Variants in FARS2 observed in about 807,000 individuals in gnomAD.
The protein encoded by FARS2 is phenylalanyl-tRNA synthetase 2, mitochondrial.
Under a neutral mutation model 46.4 loss-of-function variants are expected in FARS2, and 40 were observed. That is an observed-to-expected ratio of 0.86 (90% confidence interval 0.67 to 1.12). The LOEUF is 1.12. Among genes scored for constraint, FARS2 ranks in the 50% most tolerant of loss-of-function variants. The pLI is 0.00. For synonymous variants in FARS2, 234 were observed against 214.9 expected, an observed-to-expected ratio of 1.09 and a Z score of -0.78; for missense variants, 513 against 567.9, an observed-to-expected ratio of 0.90 and a Z score of 0.98.
At chr6:5,357,543 G>A (rs1758010118) in intron 1 of FARS2, among the ~76,000 whole-genome samples, 2 of 152,218 alleles carry the variant, frequency 1.3e-5, no homozygotes, top group Admixed American at 1.3e-4. Context: ...TCTCCCCGAG[G>A]AGAGCATATA....
chr6:5,725,622 C>T (rs985226069), intron 6 of FARS2, among the ~76,000 whole-genome samples: 4 of 152,144 alleles, frequency 2.6e-5, no homozygotes, highest in African/African-American at 9.7e-5. Flanking sequence ...CTTTGCCTAG[C>T]TGTGGAAAAG....
intron 4 of FARS2, among the ~76,000 whole-genome samples, chr6:5,520,325 T>C (rs186006233): frequency 6.6e-6 from 1 of 152,314 alleles, no homozygotes; most frequent in East Asian, 1.9e-4. Context: ...GGAGTCTCAC[T>C]CTTGCTGGGA....
intron 6 of FARS2, among the ~76,000 whole-genome samples, chr6:5,755,297 G>A (rs575130689): frequency 1.9e-4 from 29 of 152,184 alleles, no homozygotes; most frequent in African/African-American, 2.9e-4. Flanking sequence ...CCATCAACCC[G>A]TCATCTACAT....
intron 1 of FARS2, among the ~76,000 whole-genome samples, chr6:5,339,623 TG>T (rs1771412086): frequency 6.6e-6 from 1 of 151,994 alleles, no homozygotes; most frequent in South Asian, 2.1e-4. Flanking sequence ...TTTGTAGAGA[TG>T]GTGTCTCGCT....
Position 5,409,935 on chromosome 6 carries a change from G to A in FARS2, c.772+5234G>A, listed in dbSNP as rs115070410. On this transcript the variant is annotated intron_variant, in intron 3 of 6. Coordinates refer to ENST00000274680, the MANE Select transcript of FARS2 (RefSeq NM_006567.5). ...CGTGTTTGCCGTGTTTGTGACGTCC[G>A]CTGTATTGCCTCTCAGGGGAGATGT... Among the ~76,000 whole-genome samples the A allele has an allele frequency of 4.2e-3, 645 of 152,238 alleles. 11 individuals carry two copies. The highest frequency in any genetic ancestry group is 0.015 in the African/African-American group (619 of 41,530).
At chr6:5,600,065 A>G (rs560519306) in intron 5 of FARS2, among the ~76,000 whole-genome samples, 2 of 152,344 alleles carry the variant, frequency 1.3e-5, no homozygotes, top group Non-Finnish European at 2.9e-5. Context: ...CTGTTTAAGT[A>G]AAGCATTCTA....
At chr6:5,717,789 A>G (rs1339769069) in intron 6 of FARS2, among the ~76,000 whole-genome samples, 1 of 152,048 alleles carries the variant, frequency 6.6e-6, no homozygotes, top group Non-Finnish European at 1.5e-5. Flanking sequence ...TCCATTATCC[A>G]TCAGGGAGCT....
chr6:5,463,081 T>A (rs568375469), intron 4 of FARS2, among the ~76,000 whole-genome samples: 2 of 152,338 alleles, frequency 1.3e-5, no homozygotes, highest in South Asian at 4.1e-4. Flanking sequence ...AGTAACTATT[T>A]ACGAAAGCTG....
At chr6:5,529,857 A>G (rs1031722958) in intron 4 of FARS2, among the ~76,000 whole-genome samples, 2 of 152,204 alleles carry the variant, frequency 1.3e-5, no homozygotes, top group African/African-American at 4.8e-5. Context: ...TGATGCAATT[A>G]GAACCCTGCA....
chr6:5,412,868 AC>A (rs1762012983), intron 3 of FARS2, among the ~76,000 whole-genome samples: 1 of 147,144 alleles, frequency 6.8e-6, no homozygotes, highest in Non-Finnish European at 1.5e-5. Context: ...AGCAATTTTG[AC>A]TTGTCTGTAC....
chr6:5,539,865 C>T (rs1021002572), intron 4 of FARS2, among the ~76,000 whole-genome samples: 30 of 152,146 alleles, frequency 2.0e-4, no homozygotes, highest in African/African-American at 6.8e-4. Flanking sequence ...AGCCTCCCCT[C>T]GCCGTGTTCT....
At chr6:5,654,528 A>T (rs1777517124) in intron 6 of FARS2, among the ~76,000 whole-genome samples, 1 of 152,146 alleles carries the variant, frequency 6.6e-6, no homozygotes, top group Admixed American at 6.5e-5. Flanking sequence ...GTTTAACTGA[A>T]TGTTCAACAA....
chr6:5,693,787 G>C (rs529005314), intron 6 of FARS2, among the ~76,000 whole-genome samples: 1 of 152,284 alleles, frequency 6.6e-6, no homozygotes, highest in East Asian at 1.9e-4. Context: ...TTGCTGGGGT[G>C]ATGGCTGGAG....
intron 1 of FARS2, among the ~76,000 whole-genome samples, chr6:5,279,374 C>CAAAAA (rs34624808): frequency 5.0e-5 from 5 of 100,564 alleles, no homozygotes; most frequent in African/African-American, 2.1e-4. Context: ...GACTCCCTCT[C>CAAAAA]AAAAAAAAAA....
chr6:5,704,138 C>A (rs1758602186), intron 6 of FARS2, among the ~76,000 whole-genome samples: 1 of 152,188 alleles, frequency 6.6e-6, no homozygotes. Flanking sequence ...CCACCATAGA[C>A]TGGGACAACA....
In FARS2 at chr6:5,444,092, CGTGTGTGTGTGTGTGT is replaced by C. The variant is rs35213574; in HGVS notation, c.904+12939_904+12954del. Reference sequence around the variant, plus strand: ...AAGCCACTGATATATGGAAGATCCTCGTGTGTGTGTGTGTGTGTGTGTGTGTGTGTGTGTATGTGTG... The same window carrying C: ...AAGCCACTGATATATGGAAGATCCTCGTGTGTGTGTGTGTGTGTATGTGTG... On this transcript the variant is annotated intron_variant, in intron 4 of 6. Coordinates refer to ENST00000274680, the MANE Select transcript of FARS2 (RefSeq NM_006567.5). Among the ~76,000 whole-genome samples, 44 of 146,314 alleles carry C rather than the reference CGTGTGTGTGTGTGTGT, an allele frequency of 3.0e-4. 1 individual carries two copies. Among genetic ancestry groups the C allele is most frequent in the Admixed American group, 1.7e-3 (25 of 14,762 alleles).
intron 6 of FARS2, among the ~76,000 whole-genome samples, chr6:5,717,448 T>C (rs551602898): frequency 1.2e-4 from 18 of 151,770 alleles, no homozygotes; most frequent in Non-Finnish European, 1.9e-4. Context: ...TTGAAGAAAC[T>C]GGGTTGTTGG....
At chr6:5,557,684 G>T (rs1271888755) in intron 5 of FARS2, among the ~76,000 whole-genome samples, 1 of 152,124 alleles carries the variant, frequency 6.6e-6, no homozygotes. Flanking sequence ...ATGATAGGGG[G>T]TACTGGAAAA....
chr6:5,581,002 A>C (rs1305713313), intron 5 of FARS2, among the ~76,000 whole-genome samples: 1 of 152,220 alleles, frequency 6.6e-6, no homozygotes, highest in African/African-American at 2.4e-5. Context: ...TGAAATTAAG[A>C]ATTTGGAATT....
Sources: allele counts gnomAD v4.1 joint callset (sites outside exome capture counted in the v4.1 genomes callset), GRCh38; gene constraint gnomAD v4.1.1; transcripts MANE v1.5; gene names NCBI Gene and HGNC (gene_info 2026-07-23, HGNC 2026-07-21).